KIAA1217: variants seen among roughly 807,000 people sequenced by gnomAD.
KIAA1217 encodes sickle tail protein homolog.
Under a neutral mutation model 163.9 loss-of-function variants are expected in KIAA1217, and 88 were observed. The ratio of observed to expected loss-of-function variants is 0.54; its 90% confidence interval spans 0.45 to 0.64. The LOEUF is 0.64. Among genes scored for constraint, KIAA1217 ranks in the 30% least tolerant of loss-of-function variants. The pLI, the probability that KIAA1217 is intolerant of heterozygous loss-of-function variation, is 0.00. For synonymous variants in KIAA1217, 903 were observed against 923.1 expected, an observed-to-expected ratio of 0.98 and a Z score of 0.39; for missense variants, 2,372 against 2,475.0, an observed-to-expected ratio of 0.96 and a Z score of 0.88.
chr10:24,367,849 G>A (rs2051002830), intron 2 of KIAA1217, among the ~76,000 whole-genome samples: 1 of 152,200 alleles, frequency 6.6e-6, no homozygotes, highest in South Asian at 2.1e-4. Flanking sequence ...GGTGATTGAG[G>A]CACAGAGAAG....
Position 24,543,223 on chromosome 10 carries a change from A to C in KIAA1217, c.3953A>C (p.His1318Pro). ...EMEKQNTDKC[H>P]VSSHTRLTES... Reference sequence around the variant, plus strand: ...GAAAAGCAAAATACGGATAAGTGTCACGTTTCCTCTCACACTAGACTAACA... The same window carrying C: ...GAAAAGCAAAATACGGATAAGTGTCCCGTTTCCTCTCACACTAGACTAACA... The change falls in exon 19 of 21, where the codon CAC (histidine) becomes CCC (proline). Residue 1318 changes from histidine to proline, a missense_variant. Coordinates refer to ENST00000376454, the MANE Select transcript of KIAA1217 (RefSeq NM_019590.5). The C allele has an allele frequency of 6.2e-7, 1 of 1,614,056 alleles. No homozygotes were observed. The highest frequency in any genetic ancestry group is 8.5e-7 in the Non-Finnish European group (1 of 1,180,020).
chr10:24,003,467 AT>A (rs1444348867), intron 1 of KIAA1217, among the ~76,000 whole-genome samples: 2 of 152,042 alleles, frequency 1.3e-5, no homozygotes, highest in Non-Finnish European at 2.9e-5. Flanking sequence ...TCTTTTGAGA[AT>A]TGTCTGTTCA....
intron 1 of KIAA1217, among the ~76,000 whole-genome samples, chr10:23,748,545 A>G: frequency 1.2e-5 from 1 of 84,448 alleles, no homozygotes. Context: ...AGGGGAGGAG[A>G]GGAGAGGGGA....
chr10:24,173,520 A>G (rs192544940), intron 2 of KIAA1217, among the ~76,000 whole-genome samples: 2 of 152,240 alleles, frequency 1.3e-5, no homozygotes, highest in African/African-American at 4.8e-5. Context: ...AAGGTTGGGG[A>G]CCTCTGCTCT....
chr10:24,169,859 A>C (rs140035342), intron 2 of KIAA1217, among the ~76,000 whole-genome samples: 1 of 152,346 alleles, frequency 6.6e-6, no homozygotes, highest in Non-Finnish European at 1.5e-5. Context: ...TTCCACACTT[A>C]TAAAACAGTA....
At chr10:24,390,555 A>AAGAG (rs60562840) in intron 3 of KIAA1217, among the ~76,000 whole-genome samples, 72,526 of 142,146 alleles carry the variant, frequency 0.51, 21,473 homozygotes, top group African/African-American at 0.8. Flanking sequence ...TTTCAAAAGA[A>AAGAG]AGGGAGAAAG....
At chr10:23,869,132 T>TC (rs1840336477) in intron 1 of KIAA1217, among the ~76,000 whole-genome samples, 1 of 137,218 alleles carries the variant, frequency 7.3e-6, no homozygotes, top group Admixed American at 7.6e-5. Context: ...TAGTTTTTTT[T>TC]TTTTTTTTTT....
intron 3 of KIAA1217, among the ~76,000 whole-genome samples, chr10:24,421,015 T>G (rs919953295): frequency 4.6e-5 from 7 of 150,674 alleles, no homozygotes; most frequent in African/African-American, 1.7e-4. Context: ...GTTTGTTTGT[T>G]TTGTTTTGAG....
At chr10:23,971,948 A>C (rs2131393762) in intron 1 of KIAA1217, among the ~76,000 whole-genome samples, 1 of 152,354 alleles carries the variant, frequency 6.6e-6, no homozygotes, top group East Asian at 1.9e-4. Context: ...GTCTTTAATC[A>C]GAAAATTCTG....
intron 1 of KIAA1217, among the ~76,000 whole-genome samples, chr10:23,789,185 A>G (rs549489693): frequency 3.9e-5 from 6 of 152,322 alleles, no homozygotes; most frequent in African/African-American, 7.2e-5. Flanking sequence ...GTTTTATTGC[A>G]ATAGACATAG....
chr10:23,811,713 CA>C (rs952662981), intron 1 of KIAA1217, among the ~76,000 whole-genome samples: 1 of 151,900 alleles, frequency 6.6e-6, no homozygotes, highest in Non-Finnish European at 1.5e-5. Context: ...GAGACTGGAA[CA>C]TGAATGCTAG....
chr10:23,852,698 T>C lies in KIAA1217; in HGVS notation c.-320-154527T>C, dbSNP rs370981043. Among the ~76,000 whole-genome samples the C allele has an allele frequency of 1.6e-4, 25 of 152,228 alleles. No homozygotes were observed. In the East Asian group the frequency reaches 4.4e-3, roughly 27 times the overall value. ...TATCCTCTTTTATTTCATTGAGCAG[T>C]GGTTTGTAGTTCTCCTTGAAGAGGT... is the stretch of plus-strand genomic sequence containing the variant. On this transcript the variant is annotated intron_variant, in intron 1 of 18. Coordinates refer to the KIAA1217 transcript ENST00000376462.
At chr10:24,120,280 G>A (rs1359633814) in intron 2 of KIAA1217, among the ~76,000 whole-genome samples, 1 of 152,198 alleles carries the variant, frequency 6.6e-6, no homozygotes, top group African/African-American at 2.4e-5. Context: ...GGGAATCAGA[G>A]TCCCACTTTT....
chr10:23,823,319 G>T (rs565689611), intron 1 of KIAA1217, among the ~76,000 whole-genome samples: 3 of 152,238 alleles, frequency 2.0e-5, no homozygotes, highest in Non-Finnish European at 2.9e-5. Context: ...GCTCCCAGAG[G>T]CTCCCTCTGA....
intron 2 of KIAA1217, among the ~76,000 whole-genome samples, chr10:24,188,211 A>G (rs2066535010): frequency 6.6e-6 from 1 of 152,154 alleles, no homozygotes; most frequent in African/African-American, 2.4e-5. Flanking sequence ...AGAAGGCAGT[A>G]ATTTTATCCA....
At chr10:23,961,236 G>A (rs1166350656) in intron 1 of KIAA1217, among the ~76,000 whole-genome samples, 2 of 151,974 alleles carry the variant, frequency 1.3e-5, no homozygotes, top group African/African-American at 2.4e-5. Flanking sequence ...TCCTTTTTAC[G>A]TTGCTTTCTT....
At chr10:24,432,362 C>T (rs1421198422) in intron 3 of KIAA1217, among the ~76,000 whole-genome samples, 3 of 152,004 alleles carry the variant, frequency 2.0e-5, no homozygotes, top group Non-Finnish European at 4.4e-5. Context: ...AAGTGATTCG[C>T]CTGCCTCAGC....
At chr10:23,955,654 G>T (rs907707800) in intron 1 of KIAA1217, among the ~76,000 whole-genome samples, 1 of 152,184 alleles carries the variant, frequency 6.6e-6, no homozygotes, top group Non-Finnish European at 1.5e-5. Context: ...GGAGATTAAG[G>T]CATTTGAGAG....
Position 23,959,862 on chromosome 10 carries a change from C to T in KIAA1217, c.-320-47363C>T, listed in dbSNP as rs562382642. On this transcript the variant is annotated intron_variant, in intron 1 of 18. Coordinates refer to the KIAA1217 transcript ENST00000376462. Reference sequence around the variant, plus strand: ...TCCTCTGGGTATAGGGAGAATATCTCTGGAATGAAGGTCTTTTGACCTACT... The same window carrying T: ...TCCTCTGGGTATAGGGAGAATATCTTTGGAATGAAGGTCTTTTGACCTACT... 8.7e-5 allele frequency among the ~76,000 whole-genome samples: 13 copies of T among 150,186 alleles called. No homozygotes were observed. In the South Asian group the frequency reaches 2.1e-3, roughly 24 times the overall value.
Sources: gnomAD v4.1 joint callset for allele counts (sites outside exome capture counted in the v4.1 genomes callset) on GRCh38, gnomAD v4.1.1 for gene constraint, MANE v1.5 for transcripts, NCBI Gene and HGNC (gene_info 2026-07-23, HGNC 2026-07-21) for gene names.